Variants in PPP2R5C observed in about 807,000 individuals in gnomAD.
The protein encoded by PPP2R5C is serine/threonine-protein phosphatase 2A 56 kDa regulatory subunit gamma isoform.
A neutral mutation model predicts 68.9 loss-of-function variants in PPP2R5C; 7 were observed. That is an observed-to-expected ratio of 0.10 (90% CI 0.06 to 0.19). The LOEUF is 0.19. Ranked by LOEUF, PPP2R5C falls within the 10% of genes least tolerant of loss-of-function variation. The pLI is 1.00. For synonymous variants in PPP2R5C, 210 were observed against 222.2 expected, an observed-to-expected ratio of 0.95 and a Z score of 0.49; for missense variants, 348 against 641.3, an observed-to-expected ratio of 0.54 and a Z score of 4.94.
At chr14:101,808,161 T>C (rs2039150723), upstream of PPP2R5C, among the ~76,000 whole-genome samples, 1 of 151,362 alleles carries the variant, frequency 6.6e-6, no homozygotes, top group Admixed American at 6.6e-5. Flanking sequence ...CTAGTGGTCG[T>C]TGGTGATCGG....
chr14:101,832,952 A>G (rs1179330422), intron 1 of PPP2R5C, among the ~76,000 whole-genome samples: 2 of 152,322 alleles, frequency 1.3e-5, no homozygotes, highest in Admixed American at 6.5e-5. Flanking sequence ...GAGTGATAAC[A>G]GTTTCTCTCT....
intron 1 of PPP2R5C, among the ~76,000 whole-genome samples, chr14:101,845,035 A>C (rs948910871): frequency 1.3e-5 from 2 of 152,120 alleles, no homozygotes; most frequent in African/African-American, 4.8e-5. Context: ...CTAGAACTAG[A>C]GTCCTATGTG....
intron 2 of PPP2R5C, among the ~76,000 whole-genome samples, chr14:101,880,379 G>A (rs2044080693): frequency 6.6e-6 from 1 of 152,188 alleles, no homozygotes; most frequent in African/African-American, 2.4e-5. Context: ...TCCCCTCTCA[G>A]ATGACACAGA....
chr14:101,837,086 A>G (rs2041153210), intron 1 of PPP2R5C, among the ~76,000 whole-genome samples: 1 of 152,176 alleles, frequency 6.6e-6, no homozygotes, highest in Non-Finnish European at 1.5e-5. Context: ...AGAGACTTTC[A>G]GGTTTGATGG....
At chr14:101,792,576 C>G (rs2038408224) in intron 3 of PPP2R5C, among the ~76,000 whole-genome samples, 1 of 152,164 alleles carries the variant, frequency 6.6e-6, no homozygotes, top group South Asian at 2.1e-4. Flanking sequence ...ATTACCAGTT[C>G]CCTCTAATGG....
At chr14:101,881,164 G>A (rs985947849) in intron 2 of PPP2R5C, among the ~76,000 whole-genome samples, 8 of 152,080 alleles carry the variant, frequency 5.3e-5, no homozygotes, top group African/African-American at 9.7e-5. Flanking sequence ...TGAGGGGAGC[G>A]GATCACTTGA....
At chr14:101,923,265 C>T (rs191541875) in intron 13 of PPP2R5C, among the ~76,000 whole-genome samples, 1 of 152,358 alleles carries the variant, frequency 6.6e-6, no homozygotes, top group African/African-American at 2.4e-5. Context: ...TCTGTCCTTT[C>T]AGAAGCTCTG....
At chr14:101,841,494 A>G (rs1177761178) in intron 1 of PPP2R5C, among the ~76,000 whole-genome samples, 3 of 152,174 alleles carry the variant, frequency 2.0e-5, no homozygotes, top group Non-Finnish European at 4.4e-5. Flanking sequence ...GAGCTTCCAC[A>G]TTGAAAGACA....
chr14:101,844,142 G>GT (rs75704094), intron 1 of PPP2R5C: 3,989 of 126,136 alleles, frequency 0.032, 64 homozygotes, highest in Non-Finnish European at 0.041. Flanking sequence ...TGTTTTTTTT[G>GT]TTTTTTTTTT....
At position 101,877,516 on chromosome 14, in the gene PPP2R5C, G is replaced by C. The variant is rs2043858483; in HGVS notation, c.295-4645G>C. 6.6e-6 allele frequency among the ~76,000 whole-genome samples: 1 copy of C among 152,136 alleles called. No homozygotes were observed. On this transcript the variant is annotated intron_variant, in intron 2 of 13. Transcript: ENST00000334743. This position sits in a 1 kb window ranked among gnomAD's most constrained non-coding sequence, Gnocchi z 4.2. ...TCTTTGGTGTTCACTGCATAACGTT[G>C]ATGTCTTCTCTGTTTCCTCAGACCG...
chr14:101,892,282 C>T (rs2044986204), intron 6 of PPP2R5C, among the ~76,000 whole-genome samples: 1 of 151,610 alleles, frequency 6.6e-6, no homozygotes. Context: ...AGCTCTCATC[C>T]AGCATCCACT....
chr14:101,764,267 C>T (rs532439806), intron 2 of PPP2R5C, among the ~76,000 whole-genome samples: 18 of 152,214 alleles, frequency 1.2e-4, no homozygotes, highest in Admixed American at 3.3e-4. Context: ...CCAGGAGCTG[C>T]GTGGACCCAG....
chr14:101,765,077 C>G, intron 2 of PPP2R5C: 1 of 663,516 alleles, frequency 1.5e-6, no homozygotes, highest in Non-Finnish European at 2.8e-6. Context: ...AAGCAGTTTG[C>G]CAGCCGTGTG....
At position 101,915,337 on chromosome 14, in the gene PPP2R5C, C is replaced by T. The variant is rs1164258167; in HGVS notation, c.1327-2494C>T. Among the ~76,000 whole-genome samples the T allele has an allele frequency of 6.6e-6, 1 of 152,190 alleles. No individual in the cohort carries two copies. The highest frequency in any genetic ancestry group is 1.9e-4 in the East Asian group (1 of 5,194). On this transcript the variant is annotated intron_variant, in intron 12 of 13. Coordinates refer to ENST00000334743, the Ensembl canonical transcript of PPP2R5C. The surrounding 1 kb of genome is among the most constrained non-coding windows in gnomAD (Gnocchi z 4.2). ...CCTTGTGATCTACCTGCCTCGGCCT[C>T]CCAGAGTGCTGGGATTACAGGTGTG...
At chr14:101,782,705 C>G (rs147749291) in intron 2 of PPP2R5C, among the ~76,000 whole-genome samples, 165 of 8,032 alleles carry the variant, frequency 0.021, 2 homozygotes, top group African/African-American at 0.1. Flanking sequence ...TCTCTCCCCT[C>G]TGTCTCTTTC....
chr14:101,838,352 T>C (rs970422205), intron 1 of PPP2R5C, among the ~76,000 whole-genome samples: 1 of 152,248 alleles, frequency 6.6e-6, no homozygotes, highest in Non-Finnish European at 1.5e-5. Flanking sequence ...TGGCATTTTG[T>C]AAAATTCACT....
intron 3 of PPP2R5C, among the ~76,000 whole-genome samples, chr14:101,786,395 T>C (rs2038090141): frequency 6.6e-6 from 1 of 152,130 alleles, no homozygotes. Context: ...AGATAAAAGT[T>C]TAACAACACA....
At chr14:101,818,353 A>G (rs929719025) in intron 1 of PPP2R5C, 24 of 152,162 alleles carry the variant, frequency 1.6e-4, no homozygotes, top group African/African-American at 5.3e-4. Context: ...AAAAGTTGGT[A>G]TTACAGGCGC....
chr14:101,829,657 C>G (rs2040615666), intron 1 of PPP2R5C, among the ~76,000 whole-genome samples: 1 of 152,170 alleles, frequency 6.6e-6, no homozygotes, highest in African/African-American at 2.4e-5. Flanking sequence ...AACCTTGCCT[C>G]TGTGTTTGTG....
Sources: gnomAD v4.1 joint callset for allele counts (sites outside exome capture counted in the v4.1 genomes callset) on GRCh38, gnomAD v4.1.1 for gene constraint, Gnocchi (gnomAD v3.1) non-coding constraint, MANE v1.5 for transcripts, NCBI Gene and HGNC (gene_info 2026-07-23, HGNC 2026-07-21) for gene names.